The following WWC1 variants were observed in gnomAD, a reference collection of about 807,000 sequenced individuals.
WWC1 encodes protein KIBRA.
WWC1 carries 55 observed loss-of-function variants against 138.4 expected under a neutral mutation model. The ratio of observed to expected loss-of-function variants is 0.40; its 90% CI spans 0.32 to 0.50. WWC1 has a LOEUF of 0.50. Among genes scored for constraint, WWC1 ranks in the 20% least tolerant of loss-of-function variants. WWC1 has a pLI of 0.72. For missense variants in WWC1, 1,226 were observed against 1,420.4 expected, an observed-to-expected ratio of 0.86 and a Z score of 2.20; for synonymous variants, 524 against 564.9, an observed-to-expected ratio of 0.93 and a Z score of 1.03.
At chr5:168,383,842 G>A (rs1319581931) in intron 2 of WWC1, among the ~76,000 whole-genome samples, 1 of 152,130 alleles carries the variant, frequency 6.6e-6, no homozygotes, top group Non-Finnish European at 1.5e-5. Flanking sequence ...AATAGTCCAT[G>A]GGCATTGATT....
At chr5:168,404,580 C>T (rs1779640419) in intron 5 of WWC1, among the ~76,000 whole-genome samples, 1 of 152,210 alleles carries the variant, frequency 6.6e-6, no homozygotes, top group South Asian at 2.1e-4. Flanking sequence ...CTTGCTTCTG[C>T]TCAGGATTCC....
chr5:168,369,087 C>T (rs75024122), intron 1 of WWC1, among the ~76,000 whole-genome samples: 1 of 152,324 alleles, frequency 6.6e-6, no homozygotes, highest in East Asian at 1.9e-4. Context: ...TAGAGACCAG[C>T]CATCTTGCTT....
intron 8 of WWC1, 164 bp downstream of exon 8, chr5:168,410,159 T>C: frequency 1.4e-6 from 1 of 738,460 alleles, no homozygotes; most frequent in Non-Finnish European, 2.2e-6. Context: ...TCTCTGAAAT[T>C]CAGAGAGGAA....
chr5:168,346,901 G>A (rs1372867703), intron 1 of WWC1, among the ~76,000 whole-genome samples: 1 of 152,150 alleles, frequency 6.6e-6, no homozygotes, highest in Non-Finnish European at 1.5e-5. Context: ...TCATTCTGAT[G>A]TTGGGGCACT....
chr5:168,348,829 T>G (rs573009059), intron 1 of WWC1, among the ~76,000 whole-genome samples: 1 of 152,148 alleles, frequency 6.6e-6, no homozygotes, highest in Non-Finnish European at 1.5e-5. Context: ...GATCTTTGCT[T>G]GAGGGTGTGA....
chr5:168,402,813 A>G (rs1006050845), intron 5 of WWC1, among the ~76,000 whole-genome samples: 1 of 152,052 alleles, frequency 6.6e-6, no homozygotes, highest in African/African-American at 2.4e-5. Flanking sequence ...CCTCATTCCC[A>G]GAAAATGTAA....
rs758793178 is a variant in WWC1 at position 168,431,454 on chromosome 5, G to GTGTC, written c.2280+13_2280+16dup. The GTGTC allele has an allele frequency of 6.5e-7, 1 of 1,549,126 alleles. No homozygotes were observed. The highest frequency in any genetic ancestry group is 8.6e-7 in the Non-Finnish European group (1 of 1,159,870). Reference sequence around the variant, plus strand: ...TCTGGAAGAGTGCCTGGTAAGGGCCGTGTCTGGCTGGCTGGCTGGCTGGCT... The same window carrying GTGTC: ...TCTGGAAGAGTGCCTGGTAAGGGCCGTGTCTGTCTGGCTGGCTGGCTGGCTGGCT... On this transcript the variant is annotated intron_variant, in intron 15 of 22. Transcript: ENST00000265293.
intron 8 of WWC1, chr5:168,411,835 C>A: frequency 1.0e-5 from 3 of 294,164 alleles, no homozygotes; most frequent in Non-Finnish European, 1.0e-5. Flanking sequence ...AAGGTCTAGG[C>A]ATGCGTCGTG....
chr5:168,329,614 G>A lies in WWC1; in HGVS notation c.119+37343G>A, dbSNP rs551060727. On this transcript the variant is annotated intron_variant, in intron 1 of 22. Transcript: ENST00000265293. ...TTTATAATTAACAAGCCATGCTAAT[G>A]AACCTGGAGTTAGAACCTTTTTGCC... Among the ~76,000 whole-genome samples the A allele has an allele frequency of 4.6e-5, 7 of 152,292 alleles. No homozygotes were observed. In the South Asian group the frequency reaches 1.5e-3, roughly 32 times the overall value.
chr5:168,371,403 G>C (rs746217618), intron 1 of WWC1, 21 bp from the exon 2 acceptor site: 1 of 1,596,604 alleles, frequency 6.3e-7, no homozygotes, highest in South Asian at 1.1e-5. Flanking sequence ...GATGGAGTCT[G>C]TTTCTCCTCT....
At chr5:168,391,536 G>A (rs1471756774) in intron 3 of WWC1, among the ~76,000 whole-genome samples, 2 of 151,550 alleles carry the variant, frequency 1.3e-5, no homozygotes, top group Non-Finnish European at 2.9e-5. Context: ...GTGGGTGCCT[G>A]TAGTCCCAGC....
chr5:168,311,477 C>T lies in WWC1; in HGVS notation c.119+19206C>T, dbSNP rs529587627. ...CATGGTTTCCTCTGCCTCCTAAAAC[C>T]CTCATTTATGAGTCAGTTCTGCCTC... On this transcript the variant is annotated intron_variant, in intron 1 of 22. Coordinates refer to ENST00000265293, the MANE Select transcript of WWC1 (RefSeq NM_015238.3). 2.6e-5 allele frequency among the ~76,000 whole-genome samples: 4 copies of T among 152,258 alleles called. No homozygotes were observed. The South Asian group carries it at 8.3e-4, about 32-fold the overall frequency.
At chr5:168,364,086 A>G (rs1177586576) in intron 1 of WWC1, among the ~76,000 whole-genome samples, 1 of 152,094 alleles carries the variant, frequency 6.6e-6, no homozygotes, top group Middle Eastern at 3.2e-3. Context: ...GATACTGTAT[A>G]GGTTATCTCA....
At chr5:168,460,515 AAT>A in intron 19 of WWC1, 133 bp from the exon 20 acceptor site, 1 of 736,748 alleles carries the variant, frequency 1.4e-6, no homozygotes. Context: ...GAAAGGTCAG[AAT>A]GAAACCTGGG....
chr5:168,455,802 C>T (rs1756261444), intron 19 of WWC1, among the ~76,000 whole-genome samples: 1 of 152,194 alleles, frequency 6.6e-6, no homozygotes. Flanking sequence ...CCTGCAACCA[C>T]TTGCTGAGAT....
intron 1 of WWC1, among the ~76,000 whole-genome samples, chr5:168,312,150 A>G (rs530111932): frequency 6.6e-6 from 1 of 152,240 alleles, no homozygotes; most frequent in South Asian, 2.1e-4. Context: ...CCTGGGAGAC[A>G]GAGGTTACAG....
intron 15 of WWC1, among the ~76,000 whole-genome samples, chr5:168,439,759 TA>T (rs772624456): frequency 6.6e-6 from 1 of 152,204 alleles, no homozygotes; most frequent in Non-Finnish European, 1.5e-5. Flanking sequence ...CAAGGAGAAT[TA>T]TTCGGTCGAA....
At chr5:168,386,749 C>A (rs578162963) in intron 3 of WWC1, among the ~76,000 whole-genome samples, 1 of 152,008 alleles carries the variant, frequency 6.6e-6, no homozygotes, top group Non-Finnish European at 1.5e-5. Context: ...GTAACCTCCA[C>A]CTCCCGGGTT....
intron 21 of WWC1, among the ~76,000 whole-genome samples, chr5:168,466,845 T>C (rs143261280): frequency 6.6e-6 from 1 of 151,986 alleles, no homozygotes; most frequent in African/African-American, 2.4e-5. Flanking sequence ...CTTGATCTTA[T>C]TCGAAAGACT....
Sources: allele counts gnomAD v4.1 joint callset (sites outside exome capture counted in the v4.1 genomes callset), GRCh38; gene constraint gnomAD v4.1.1; transcripts MANE v1.5; gene names NCBI Gene and HGNC (gene_info 2026-07-23, HGNC 2026-07-21).